The following ZFAT variants were observed in gnomAD, a reference collection of about 807,000 sequenced individuals.
The protein encoded by ZFAT is zinc finger protein ZFAT.
A neutral mutation model predicts 117.7 loss-of-function variants in ZFAT; 64 were observed. That is an observed-to-expected ratio of 0.54 (90% CI 0.44 to 0.67). The LOEUF (loss-of-function observed/expected upper bound fraction) is 0.67. Among genes scored for constraint, ZFAT ranks in the 30% least tolerant of loss-of-function variants. ZFAT has a pLI of 0.00. For missense variants in ZFAT, 1,433 were observed against 1,584.5 expected, an observed-to-expected ratio of 0.90 and a Z score of 1.62; for synonymous variants, 679 against 615.0, an observed-to-expected ratio of 1.10 and a Z score of -1.54.
the ZFAT span, among the ~76,000 whole-genome samples, chr8:134,718,153 G>A: frequency 6.6e-6 from 1 of 152,172 alleles, no homozygotes; most frequent in Non-Finnish European, 1.5e-5. Flanking sequence ...TAAATGTTTA[G>A]GAAAATTTTA....
chr8:134,779,816 T>G, the ZFAT span, among the ~76,000 whole-genome samples: 17 of 150,970 alleles, frequency 1.1e-4, no homozygotes, highest in Non-Finnish European at 2.5e-4. Context: ...TACATCAATC[T>G]TTATATCTTC....
In ZFAT at chr8:134,659,273, A is replaced by G. The variant is rs1352270285; in HGVS notation, c.20-1536T>C. Among the ~76,000 whole-genome samples the G allele has an allele frequency of 2.0e-5, 3 of 152,094 alleles. No individual in the cohort carries two copies. In the East Asian group the frequency reaches 5.8e-4, roughly 29 times the overall value. On this transcript the variant is annotated intron_variant, in intron 1 of 15. Coordinates refer to ENST00000377838, the MANE Select transcript of ZFAT (RefSeq NM_020863.4). The stretch of plus-strand genomic sequence containing the variant: ...AACAACTGCCTCTGCCACCCCTTCC[A>G]GCCCGCCTGCGTCTTCAGCTGTCTC...
intron 1 of ZFAT, among the ~76,000 whole-genome samples, chr8:134,670,368 C>T (rs2131260916): frequency 6.6e-6 from 1 of 152,356 alleles, no homozygotes; most frequent in Non-Finnish European, 1.5e-5. Flanking sequence ...CACTCCTCAG[C>T]AAATGTAAAA....
chr8:134,726,003 T>G, the ZFAT span, among the ~76,000 whole-genome samples: 1 of 152,188 alleles, frequency 6.6e-6, no homozygotes, highest in Admixed American at 6.5e-5. Flanking sequence ...TCTTCTCCTT[T>G]AAGACCCATG....
At chr8:134,632,368 C>A (rs1309816358) in intron 3 of ZFAT, among the ~76,000 whole-genome samples, 1 of 152,084 alleles carries the variant, frequency 6.6e-6, no homozygotes, top group Non-Finnish European at 1.5e-5. Context: ...AGGCTTCTGG[C>A]CAACAGTAGA....
Position 134,573,914 on chromosome 8 carries a change from G to A in ZFAT, c.2888-8493C>T, listed in dbSNP as rs1383600333. On this transcript the variant is annotated intron_variant, in intron 10 of 15. Coordinates refer to ENST00000377838, the MANE Select transcript of ZFAT (RefSeq NM_020863.4). ...ACAGTGAAAACCAGCACAGGGTCTGGAGTCAGAGAATCTGAGCTCTGCTCT... is the reference window on the plus strand; with the variant it reads ...ACAGTGAAAACCAGCACAGGGTCTGAAGTCAGAGAATCTGAGCTCTGCTCT... Among the ~76,000 whole-genome samples, 4 of 152,352 alleles carry A rather than the reference G, an allele frequency of 2.6e-5. No homozygotes were observed. In the East Asian group the frequency reaches 7.7e-4, roughly 29 times the overall value.
At chr8:134,643,219 A>T (rs2131136646) in intron 2 of ZFAT, among the ~76,000 whole-genome samples, 2 of 152,372 alleles carry the variant, frequency 1.3e-5, no homozygotes, top group Middle Eastern at 3.4e-3. Context: ...AAGGTCAGGG[A>T]ATTAATAAAT....
At chr8:134,811,761 C>G in the ZFAT span, among the ~76,000 whole-genome samples, 1 of 152,204 alleles carries the variant, frequency 6.6e-6, no homozygotes, top group Non-Finnish European at 1.5e-5. Flanking sequence ...CAATTAAAAG[C>G]ATGGGCTTTA....
At chr8:134,565,004 C>T in intron 11 of ZFAT, 1 of 1,284,756 alleles carries the variant, frequency 7.8e-7, no homozygotes, top group Non-Finnish European at 1.0e-6. Context: ...AATCCAGGAT[C>T]TGAAAGCAAA....
intron 1 of ZFAT, among the ~76,000 whole-genome samples, chr8:134,679,514 C>T (rs151334697): frequency 0.022 from 3,405 of 152,226 alleles, 144 homozygotes; most frequent in African/African-American, 0.078. Context: ...TCAACCATTG[C>T]GGAAGACGGT....
At chr8:134,712,704 G>A (rs1420407826) in intron 1 of ZFAT, 141 bp downstream of exon 1, 2 of 668,384 alleles carry the variant, frequency 3.0e-6, no homozygotes, top group East Asian at 3.7e-5. Flanking sequence ...CTCCTCCCCA[G>A]ACCCGGATCC....
the ZFAT span, among the ~76,000 whole-genome samples, chr8:134,760,382 C>T: frequency 2.0e-5 from 3 of 151,898 alleles, no homozygotes; most frequent in Admixed American, 1.3e-4. Flanking sequence ...CAGAACCAGA[C>T]CATTGATTTG....
At position 134,602,562 on chromosome 8, in the gene ZFAT, T is replaced by G. The variant is rs758743696; in HGVS notation, c.1157A>C (p.Glu386Ala). ...CATCAGGCAGAGCTCGTCCAAGGCC[T>G]CTTTGACCTTCTTGTCCTGTGGGTC... ...AHDPQDKKVK[E>A]ALDELCLMTR... Residue 386 changes from glutamate (E) to alanine (A), a missense_variant, in exon 6 of 16, where the codon GAG becomes GCG. Glu to Ala is a moderately radical substitution (Grantham distance 107). Around this residue, in one of 5 missense-constraint regions of ZFAT, gnomAD observed 73 missense variants for 122.0 expected, o/e 0.60. Coordinates refer to ENST00000377838, the MANE Select transcript of ZFAT (RefSeq NM_020863.4). 6.2e-7 allele frequency: 1 copy of G among 1,613,954 alleles called. No homozygotes were observed. Among genetic ancestry groups the G allele is most frequent in the Non-Finnish European group, 8.5e-7 (1 of 1,180,036 alleles).
the ZFAT span, among the ~76,000 whole-genome samples, chr8:134,831,377 C>A: frequency 6.6e-6 from 1 of 152,162 alleles, no homozygotes; most frequent in African/African-American, 2.4e-5. Context: ...ATCATTTAGT[C>A]CTAAAATAAC....
intron 15 of ZFAT, among the ~76,000 whole-genome samples, chr8:134,492,514 CCT>C (rs992475205): frequency 9.9e-5 from 15 of 152,134 alleles, no homozygotes; most frequent in Admixed American, 7.9e-4. Context: ...AGAATATTCC[CCT>C]GTGTGTGTTT....
chr8:134,820,239 C>G, the ZFAT span, among the ~76,000 whole-genome samples: 1 of 151,934 alleles, frequency 6.6e-6, no homozygotes, highest in Admixed American at 6.6e-5. Flanking sequence ...GATCACAAAC[C>G]CAGGGTTTAA....
the ZFAT span, among the ~76,000 whole-genome samples, chr8:134,831,833 A>C: frequency 1.3e-5 from 2 of 150,390 alleles, no homozygotes; most frequent in African/African-American, 2.4e-5. Context: ...GGCGCCAAAA[A>C]AGCACCCCCC....
At chr8:134,560,702 G>A (rs1823984390) in intron 11 of ZFAT, among the ~76,000 whole-genome samples, 1 of 152,236 alleles carries the variant, frequency 6.6e-6, no homozygotes, top group African/African-American at 2.4e-5. Context: ...TGAATAGCTA[G>A]ATGGAAGGAT....
At chr8:134,721,502 G>A in the ZFAT span, among the ~76,000 whole-genome samples, 1 of 152,172 alleles carries the variant, frequency 6.6e-6, no homozygotes, top group Non-Finnish European at 1.5e-5. Flanking sequence ...TGTTTATAGT[G>A]CACATACATG....
Sources: gnomAD v4.1 joint callset for allele counts (sites outside exome capture counted in the v4.1 genomes callset) on GRCh38, gnomAD v4.1.1 for gene constraint, gnomAD v4.1.1 regional missense constraint, MANE v1.5 for transcripts, NCBI Gene and HGNC (gene_info 2026-07-23, HGNC 2026-07-21) for gene names.